The following MRTFB variants were observed in gnomAD, a reference collection of about 807,000 sequenced individuals.
MRTFB encodes myocardin related transcription factor B.
Under a neutral mutation model 104.2 loss-of-function variants are expected in MRTFB, and 29 were observed. The ratio of observed to expected loss-of-function variants is 0.28; its 90% CI spans 0.21 to 0.38. The LOEUF (loss-of-function observed/expected upper bound fraction) is 0.38, where lower values mean the gene tolerates loss of function less well. Among genes scored for constraint, MRTFB ranks in the 10% least tolerant of loss-of-function variants. The pLI is 1.00. For synonymous variants in MRTFB, 535 were observed against 519.5 expected (o/e 1.03, Z -0.41); for missense variants, 1,270 against 1,341.6 (o/e 0.95, Z 0.83).
At position 14,240,467 on chromosome 16, in the gene MRTFB, C is replaced by T. The variant is rs1567205862; in HGVS notation, c.1062C>T (p.Ile354=). 1 of 1,614,244 alleles carries T rather than the reference C, an allele frequency of 6.2e-7. No individual in the cohort carries two copies. Among genetic ancestry groups the T allele is most frequent in the African/African-American group, 1.3e-5 (1 of 75,068 alleles). Residue 354 remains isoleucine, a synonymous_variant, in exon 10 of 17, where the codon ATC becomes ATT. Coordinates refer to ENST00000571589, the MANE Select transcript of MRTFB (RefSeq NM_001308142.2). ...QQKQHYNYQT[I]LPAPFKPLND... Reference sequence around the variant, plus strand: ...AGCAGCACTACAACTACCAGACCATCCTGCCTGCACCATTCAAGTACGGCG... The same window carrying T: ...AGCAGCACTACAACTACCAGACCATTCTGCCTGCACCATTCAAGTACGGCG...
chr16:14,147,717 G>T (rs569380781), intron 3 of MRTFB, among the ~76,000 whole-genome samples: 44 of 152,250 alleles, frequency 2.9e-4, no homozygotes, highest in African/African-American at 9.6e-4. Flanking sequence ...TATCAATGAG[G>T]GGGTGGATGA....
chr16:14,017,711 ATTTTTTTTTTTT>A, the MRTFB span, among the ~76,000 whole-genome samples: 2 of 33,612 alleles, frequency 6.0e-5, no homozygotes, highest in Non-Finnish European at 1.0e-4. Context: ...ATATATATAT[ATTTTTTTTTTTT>A]TTTTTTTTTT....
the MRTFB span, among the ~76,000 whole-genome samples, chr16:14,060,391 C>A: frequency 6.6e-6 from 1 of 152,126 alleles, no homozygotes; most frequent in African/African-American, 2.4e-5. Flanking sequence ...ATGGATTCGC[C>A]AGGAAACACA....
the MRTFB span, among the ~76,000 whole-genome samples, chr16:14,011,934 C>T: frequency 6.6e-6 from 1 of 152,278 alleles, no homozygotes; most frequent in East Asian, 1.9e-4. Flanking sequence ...TTACAGGGAA[C>T]CCACTTGGGA....
chr16:14,052,912 C>T, the MRTFB span, among the ~76,000 whole-genome samples: 1 of 152,168 alleles, frequency 6.6e-6, no homozygotes, highest in African/African-American at 2.4e-5. Context: ...CACCATTCTA[C>T]CCTCTGCCTC....
chr16:14,112,763 A>G (rs970434255), intron 2 of MRTFB, among the ~76,000 whole-genome samples: 2 of 152,162 alleles, frequency 1.3e-5, no homozygotes, highest in African/African-American at 4.8e-5. Context: ...TGCTATTGCC[A>G]TCCAACACTG....
intron 2 of MRTFB, among the ~76,000 whole-genome samples, chr16:14,105,423 G>A (rs1472840848): frequency 2.6e-5 from 4 of 151,612 alleles, no homozygotes; most frequent in Admixed American, 6.6e-5. Flanking sequence ...TTTGAGACAG[G>A]GTCTCGCTCT....
intron 3 of MRTFB, among the ~76,000 whole-genome samples, chr16:14,156,910 C>G (rs1471980285): frequency 1.3e-5 from 2 of 152,130 alleles, no homozygotes; most frequent in African/African-American, 4.8e-5. Context: ...AATAATAGAT[C>G]TATCACGGGT....
In MRTFB at chr16:14,246,024, T is replaced by A. The variant is rs556344264; in HGVS notation, c.1212+364T>A. Among the ~76,000 whole-genome samples the A allele has an allele frequency of 5.3e-5, 8 of 152,276 alleles. No individual in the cohort carries two copies. The East Asian group carries it at 1.5e-3, about 29-fold the overall frequency. ...AGGTTTCTACCACAGCTCAGCCTTC[T>A]ATTATCTGTGGTACCTTCAGTGAGT... On this transcript the variant is annotated intron_variant, in intron 11 of 16. Coordinates refer to ENST00000571589, the MANE Select transcript of MRTFB (RefSeq NM_001308142.2).
intron 2 of MRTFB, among the ~76,000 whole-genome samples, chr16:14,094,022 G>A (rs2035226390): frequency 6.6e-6 from 1 of 152,212 alleles, no homozygotes; most frequent in Admixed American, 6.5e-5. Flanking sequence ...TTCAAAGGTA[G>A]TGTCATTCAA....
chr16:14,133,544 CAA>C (rs1306761263), intron 2 of MRTFB, among the ~76,000 whole-genome samples: 3 of 152,076 alleles, frequency 2.0e-5, no homozygotes, highest in Non-Finnish European at 4.4e-5. Flanking sequence ...CACTGGAAAA[CAA>C]AGTCTTCCCT....
Position 14,217,225 on chromosome 16 carries a change from C to T in MRTFB, c.452C>T (p.Pro151Leu). Reference protein sequence around the residue: ...LNEKIAQRPGPMELVEKNILP... With the variant: ...LNEKIAQRPGLMELVEKNILP... ...GAAAAGATTGCTCAAAGACCTGGTC[C>T]TATGGAGCTGGTAGAGAAAAACATC... Residue 151 changes from proline (P) to leucine (L), a missense_variant, in exon 7 of 17, where the codon CCT (proline) becomes CTT (leucine). Physicochemically the swap from Pro to Leu is moderately conservative, Grantham distance 98. Around this residue, in one of 3 missense-constraint regions of MRTFB, gnomAD observed 64 missense variants for 152.9 expected, o/e 0.42. Transcript: ENST00000571589. 6.2e-7 allele frequency: 1 copy of T among 1,613,832 alleles called. No homozygotes were observed. The highest frequency in any genetic ancestry group is 8.5e-7 in the Non-Finnish European group (1 of 1,179,896).
At chr16:14,148,841 AT>A (rs2038464232) in intron 3 of MRTFB, 1 of 152,462 alleles carries the variant, frequency 6.6e-6, no homozygotes, top group African/African-American at 2.4e-5. Context: ...ATGTGTTCTT[AT>A]ATCTCATTGT....
the MRTFB span, among the ~76,000 whole-genome samples, chr16:14,002,048 C>A: frequency 6.6e-6 from 1 of 152,212 alleles, no homozygotes; most frequent in African/African-American, 2.4e-5. Context: ...GTTGCTCTCG[C>A]TCGCTGTAAG....
intron 2 of MRTFB, among the ~76,000 whole-genome samples, chr16:14,114,195 T>C (rs568268091): frequency 2.3e-3 from 349 of 152,370 alleles, no homozygotes; most frequent in African/African-American, 7.7e-3. Context: ...ATTATGCTTC[T>C]GGTAAATTTA....
intron 3 of MRTFB, among the ~76,000 whole-genome samples, chr16:14,161,039 G>A (rs1237827383): frequency 1.4e-5 from 2 of 144,890 alleles, no homozygotes; most frequent in Admixed American, 6.8e-5. Context: ...TGTTAGTTGA[G>A]TGTCACTGCT....
At chr16:14,117,904 T>C (rs558279723) in intron 2 of MRTFB, among the ~76,000 whole-genome samples, 17 of 152,320 alleles carry the variant, frequency 1.1e-4, no homozygotes, top group Admixed American at 1.0e-3. Context: ...TCCCCCTTTT[T>C]CTCTTTCTTT....
the MRTFB span, among the ~76,000 whole-genome samples, chr16:14,039,140 G>T: frequency 2.0e-5 from 3 of 152,204 alleles, no homozygotes; most frequent in Admixed American, 6.5e-5. Flanking sequence ...TTATGAGATT[G>T]CAGTGATCTA....
At chr16:14,203,121 TA>T (rs2040781743) in intron 3 of MRTFB, among the ~76,000 whole-genome samples, 1 of 152,146 alleles carries the variant, frequency 6.6e-6, no homozygotes, top group African/African-American at 2.4e-5. Context: ...ATGGTTCATC[TA>T]ATCCTCACTT....
Sources: gnomAD v4.1 joint callset for allele counts (sites outside exome capture counted in the v4.1 genomes callset) on GRCh38, gnomAD v4.1.1 for gene constraint, gnomAD v4.1.1 regional missense constraint, MANE v1.5 for transcripts, NCBI Gene and HGNC (gene_info 2026-07-23, HGNC 2026-07-21) for gene names.